The following ZDHHC14 variants were observed in gnomAD, a reference collection of about 807,000 sequenced individuals.
ZDHHC14 encodes palmitoyltransferase ZDHHC14.
In ZDHHC14, 16 loss-of-function variants were observed where a neutral mutation model predicts 47.7. The ratio of observed to expected loss-of-function variants is 0.34; its 90% confidence interval spans 0.23 to 0.51. The LOEUF is 0.51. Ranked by LOEUF, ZDHHC14 falls within the 20% of genes least tolerant of loss-of-function variation. The probability of loss-of-function intolerance (pLI) is 0.97; values close to 1 mark genes in which losing one functional copy is unlikely to be tolerated. For missense variants in ZDHHC14, 515 were observed against 662.5 expected, an observed-to-expected ratio of 0.78 and a Z score of 2.44; for synonymous variants, 293 against 278.9, an observed-to-expected ratio of 1.05 and a Z score of -0.50.
chr6:157,556,266 T>TG (rs1744296386), intron 2 of ZDHHC14, among the ~76,000 whole-genome samples: 1 of 43,584 alleles, frequency 2.3e-5, no homozygotes, highest in South Asian at 8.8e-4. Context: ...GGGTGGAGGG[T>TG]GGGAAGGGGG....
intron 2 of ZDHHC14, among the ~76,000 whole-genome samples, chr6:157,588,705 A>G (rs1313903041): frequency 1.3e-5 from 2 of 152,198 alleles, no homozygotes; most frequent in Admixed American, 1.3e-4. Context: ...TGCGTTCTCT[A>G]AGGGTAGCTC....
At chr6:157,396,923 A>AT (rs1393601350) in intron 1 of ZDHHC14, among the ~76,000 whole-genome samples, 1 of 152,196 alleles carries the variant, frequency 6.6e-6, no homozygotes, top group Admixed American at 6.5e-5. Context: ...CTAACATTCT[A>AT]TTTTTTAATT....
chr6:157,416,807 A>ATTTT lies in ZDHHC14; in HGVS notation c.245+34554_245+34557dup, dbSNP rs5881208. Among the ~76,000 whole-genome samples the ATTTT allele has an allele frequency of 1.8e-4, 25 of 137,448 alleles. 1 individual carries two copies. The highest frequency in any genetic ancestry group is 2.4e-4 in the South Asian group (1 of 4,224). The allele number at this position is 137,448 out of a possible 152,430, so 90.2% of individuals were successfully genotyped here. A position where few individuals can be genotyped will look rare whatever the true frequency, so the allele number is the denominator to read the frequency against. ...CCCGAGTTGTAGCCATTGTTAGCAA[A>ATTTT]TTTTTTTTTTTTTTTTGAGACAAAA... On this transcript the variant is annotated intron_variant, in intron 1 of 8. Transcript: ENST00000359775.
At chr6:157,489,527 C>T (rs1779862779) in intron 1 of ZDHHC14, among the ~76,000 whole-genome samples, 1 of 151,510 alleles carries the variant, frequency 6.6e-6, no homozygotes, top group Non-Finnish European at 1.5e-5. Context: ...TTAGAATGCT[C>T]TTTGTTGAGG....
At chr6:157,542,519 G>A in intron 1 of ZDHHC14, 66 bp from the exon 2 acceptor site, 13 of 1,554,392 alleles carry the variant, frequency 8.4e-6, no homozygotes, top group South Asian at 1.2e-5. Flanking sequence ...ACTGCTTACT[G>A]TTGATTCCTA....
At chr6:157,644,370 C>A (rs544470080) in intron 5 of ZDHHC14, among the ~76,000 whole-genome samples, 3 of 152,350 alleles carry the variant, frequency 2.0e-5, no homozygotes, top group South Asian at 4.1e-4. Context: ...CCCACTGTAG[C>A]CATTTGCCCA....
At chr6:157,605,860 A>C (rs1462151000) in intron 3 of ZDHHC14, among the ~76,000 whole-genome samples, 3 of 152,304 alleles carry the variant, frequency 2.0e-5, no homozygotes, top group Admixed American at 2.0e-4. Flanking sequence ...ACATGTGGTC[A>C]CCAGCCTATA....
At chr6:157,400,725 C>A (rs1777619160) in intron 1 of ZDHHC14, among the ~76,000 whole-genome samples, 1 of 152,166 alleles carries the variant, frequency 6.6e-6, no homozygotes, top group Non-Finnish European at 1.5e-5. Flanking sequence ...ACACTCCTGC[C>A]CTATTCCAGC....
At position 157,427,116 on chromosome 6, in the gene ZDHHC14, C is replaced by T. The variant is rs745451539; in HGVS notation, c.245+44850C>T. ...GGGAGAAGAGAGGGAAGGAAGAGGG[C>T]GTGCAGGGCGGAGGGACAAGGCTCA... On this transcript the variant is annotated intron_variant, in intron 1 of 8. Transcript: ENST00000359775. This position sits in a 1 kb window ranked among gnomAD's most constrained non-coding sequence, Gnocchi z 4.4. 2.0e-5 allele frequency among the ~76,000 whole-genome samples: 3 copies of T among 151,590 alleles called. No individual in the cohort carries two copies. Among genetic ancestry groups the T allele is most frequent in the East Asian group, 2.0e-4 (1 of 5,128 alleles).
intron 2 of ZDHHC14, among the ~76,000 whole-genome samples, chr6:157,584,962 T>C (rs781164318): frequency 3.1e-4 from 47 of 152,096 alleles, no homozygotes; most frequent in Admixed American, 1.2e-3. Context: ...CCCAGCACTA[T>C]GGGAGGCCGA....
intron 1 of ZDHHC14, among the ~76,000 whole-genome samples, chr6:157,394,410 G>A (rs557717809): frequency 8.3e-4 from 126 of 152,322 alleles, no homozygotes; most frequent in Non-Finnish European, 1.5e-3. Context: ...AACATGGCAA[G>A]GTTTCCACCT....
At position 157,427,363 on chromosome 6, in the gene ZDHHC14, T is replaced by C. The variant is rs775675183; in HGVS notation, c.245+45097T>C. 4.0e-4 allele frequency among the ~76,000 whole-genome samples: 61 copies of C among 152,014 alleles called. No homozygotes were observed. The highest frequency in any genetic ancestry group is 1.3e-3 in the Admixed American group (20 of 15,274). ...CACTCAGTGAAATAGGAAGGGAAAG[T>C]GTCTACAGAGATGCGCAGGATGCAG... On this transcript the variant is annotated intron_variant, in intron 1 of 8. Transcript: ENST00000359775. The surrounding 1 kb of genome is among the most constrained non-coding windows in gnomAD (Gnocchi z 4.4).
chr6:157,568,506 T>G (rs555908426), intron 2 of ZDHHC14, among the ~76,000 whole-genome samples: 2 of 152,276 alleles, frequency 1.3e-5, no homozygotes, highest in Admixed American at 1.3e-4. Context: ...AGGTGTGTAG[T>G]AATCCACTGT....
intron 3 of ZDHHC14, among the ~76,000 whole-genome samples, chr6:157,604,882 T>G (rs540005426): frequency 6.6e-6 from 1 of 152,314 alleles, no homozygotes; most frequent in South Asian, 2.1e-4. Flanking sequence ...AATCTGTTGT[T>G]GACATGAGTT....
At chr6:157,666,965 C>T (rs1356286835) in intron 8 of ZDHHC14, among the ~76,000 whole-genome samples, 1 of 152,180 alleles carries the variant, frequency 6.6e-6, no homozygotes, top group Non-Finnish European at 1.5e-5. Flanking sequence ...AGCAAAAGCT[C>T]CAGCACTCCA....
At chr6:157,470,337 C>T (rs1357457461) in intron 1 of ZDHHC14, among the ~76,000 whole-genome samples, 1 of 152,240 alleles carries the variant, frequency 6.6e-6, no homozygotes, top group Non-Finnish European at 1.5e-5. Context: ...GATCCACTCA[C>T]CCCAGCCTCC....
intron 2 of ZDHHC14, among the ~76,000 whole-genome samples, chr6:157,560,065 A>G (rs1018276380): frequency 1.3e-5 from 2 of 152,222 alleles, no homozygotes; most frequent in African/African-American, 4.8e-5. Flanking sequence ...ATGATGAATT[A>G]CACTATACCT....
chr6:157,611,030 T>C lies in ZDHHC14; in HGVS notation c.566-17319T>C, dbSNP rs1014877162. Among the ~76,000 whole-genome samples the C allele has an allele frequency of 3.0e-4, 45 of 152,336 alleles. 1 individual carries two copies. The highest frequency in any genetic ancestry group is 1.0e-3 in the African/African-American group (43 of 41,580). On this transcript the variant is annotated intron_variant, in intron 3 of 8. Coordinates refer to ENST00000359775, the MANE Select transcript of ZDHHC14 (RefSeq NM_024630.3). ...TTTTTGTTTGTTTTTGTTTTTGTTT[T>C]GTTTTTTGAGACAGGGTCCTGCTCT...
intron 3 of ZDHHC14, among the ~76,000 whole-genome samples, chr6:157,598,369 C>A (rs928968459): frequency 3.3e-5 from 5 of 152,148 alleles, no homozygotes; most frequent in Non-Finnish European, 7.3e-5. Context: ...CCAAAACAAA[C>A]AGGACTTTAC....
Sources: allele counts gnomAD v4.1 joint callset (sites outside exome capture counted in the v4.1 genomes callset), GRCh38; gene constraint gnomAD v4.1.1; non-coding constraint Gnocchi (gnomAD v3.1); transcripts MANE v1.5; gene names NCBI Gene and HGNC (gene_info 2026-07-23, HGNC 2026-07-21).